The following IL1RAPL1 variants were observed in gnomAD, a reference collection of about 807,000 sequenced individuals.
IL1RAPL1 encodes interleukin 1 receptor accessory protein like 1, also known as interleukin-1 receptor accessory protein-like 1.
A neutral mutation model predicts 48.4 loss-of-function variants in IL1RAPL1; 3 were observed. The ratio of observed to expected loss-of-function variants is 0.06; its 90% confidence interval spans 0.03 to 0.16. The LOEUF (loss-of-function observed/expected upper bound fraction) is 0.16, where lower values mean the gene tolerates loss of function less well. IL1RAPL1 is among the 10% of genes least tolerant of loss of function. The pLI is 1.00. For synonymous variants in IL1RAPL1, 185 were observed against 187.7 expected, an observed-to-expected ratio of 0.99 and a Z score of 0.12; for missense variants, 349 against 530.6, an observed-to-expected ratio of 0.66 and a Z score of 3.36.
At chrX:29,292,174 C>T (rs949715618) in intron 3 of IL1RAPL1, among the ~76,000 whole-genome samples, 2 of 111,766 alleles carry the variant, frequency 1.8e-5, no homozygotes, top group Non-Finnish European at 3.8e-5. Flanking sequence ...CTTAGAATAC[C>T]TTGTGGAAAA....
At chrX:29,417,488 T>C (rs1185755303) in intron 5 of IL1RAPL1, among the ~76,000 whole-genome samples, 1 of 111,762 alleles carries the variant, frequency 8.9e-6, no homozygotes, top group Non-Finnish European at 1.9e-5. Flanking sequence ...CTATGTAAGA[T>C]GTAAAGAAGT....
In IL1RAPL1 at chrX:29,213,081, C is replaced by T. The variant is rs886803422; in HGVS notation, c.83-69857C>T. Reference sequence around the variant, plus strand: ...TGGCACAATCTCGGCTCACCGCAACCTCTGCCTCCCAGGTTCAAATGATTC... The same window carrying T: ...TGGCACAATCTCGGCTCACCGCAACTTCTGCCTCCCAGGTTCAAATGATTC... On this transcript the variant is annotated intron_variant, in intron 2 of 10. Transcript: ENST00000378993. Among the ~76,000 whole-genome samples the T allele has an allele frequency of 8.0e-5, 9 of 111,905 alleles. No homozygotes were observed. In the Admixed American group the frequency reaches 8.5e-4, roughly 11 times the overall value.
At chrX:29,462,522 G>T (rs781018201) in intron 5 of IL1RAPL1, among the ~76,000 whole-genome samples, 1 of 111,264 alleles carries the variant, frequency 9.0e-6, no homozygotes, top group Non-Finnish European at 1.9e-5. Flanking sequence ...TATTCCTCCT[G>T]TTTGTAGAAA....
intron 2 of IL1RAPL1, among the ~76,000 whole-genome samples, chrX:29,224,858 T>G (rs1266280264): frequency 8.9e-6 from 1 of 112,095 alleles, no homozygotes; most frequent in Non-Finnish European, 1.9e-5. Flanking sequence ...AATATTAAAG[T>G]TAAAACTTTT....
chrX:29,262,125 T>TA (rs1931871610), intron 2 of IL1RAPL1, among the ~76,000 whole-genome samples: 1 of 111,773 alleles, frequency 8.9e-6, no homozygotes, highest in African/African-American at 3.3e-5. Context: ...GGCATAATGA[T>TA]AATACCTACC....
chrX:29,714,188 C>T (rs67046843), intron 6 of IL1RAPL1, among the ~76,000 whole-genome samples: 35,535 of 110,651 alleles, frequency 0.32, 4,704 homozygotes, highest in South Asian at 0.48. Flanking sequence ...AATTACTGAA[C>T]ATATCCCCCC....
At chrX:29,039,785 CAA>C (rs35505034) in intron 2 of IL1RAPL1, among the ~76,000 whole-genome samples, 12,699 of 61,826 alleles carry the variant, frequency 0.21, 1,063 homozygotes, top group East Asian at 0.29. Context: ...TAACAATCCT[CAA>C]AAAAAAAAAA....
chrX:29,024,892 A>T (rs941365205), intron 2 of IL1RAPL1, among the ~76,000 whole-genome samples: 5 of 111,698 alleles, frequency 4.5e-5, no homozygotes, highest in Non-Finnish European at 7.5e-5. Flanking sequence ...CCATCACCAC[A>T]ATCTAAATTT....
rs1931693136 is a variant in IL1RAPL1 at position 29,866,207 on chromosome X, A to G, written c.779-51257A>G. Among the ~76,000 whole-genome samples, 3 of 111,280 alleles carry G rather than the reference A, an allele frequency of 2.7e-5. No individual in the cohort carries two copies. In the South Asian group the frequency reaches 1.1e-3, roughly 42 times the overall value. ...ATTCTCCCAAAATGTGACTGATTAA[A>G]TCTTACCTAATACGTCATTCATTCA... On this transcript the variant is annotated intron_variant, in intron 6 of 10. Transcript: ENST00000378993.
chrX:29,088,485 G>A (rs376809994), intron 2 of IL1RAPL1, among the ~76,000 whole-genome samples: 2 of 109,245 alleles, frequency 1.8e-5, no homozygotes, highest in African/African-American at 6.7e-5. Context: ...AGACCAGCCT[G>A]GCCAACATGG....
At chrX:28,877,892 T>G (rs2147312361) in intron 2 of IL1RAPL1, among the ~76,000 whole-genome samples, 1 of 112,546 alleles carries the variant, frequency 8.9e-6, no homozygotes, top group Admixed American at 9.4e-5. Context: ...ATAAAATGCA[T>G]ATTCTATGAA....
At chrX:29,069,318 G>A (rs1056688823) in intron 2 of IL1RAPL1, among the ~76,000 whole-genome samples, 1 of 111,550 alleles carries the variant, frequency 9.0e-6, no homozygotes, top group Admixed American at 9.6e-5. Context: ...AGTTAATTTT[G>A]TATTTTTCTG....
intron 6 of IL1RAPL1, among the ~76,000 whole-genome samples, chrX:29,837,266 AAAAAAAAT>A (rs1201072296): frequency 4.0e-5 from 2 of 50,371 alleles, no homozygotes; most frequent in Non-Finnish European, 7.0e-5. Context: ...CTCAAAAAAA[AAAAAAAAT>A]ATATATATAT....
intron 2 of IL1RAPL1, among the ~76,000 whole-genome samples, chrX:29,260,173 C>T (rs1450262936): frequency 8.9e-6 from 1 of 111,777 alleles, no homozygotes; most frequent in Non-Finnish European, 1.9e-5. Context: ...TTTATTTTAC[C>T]AAATGTTATA....
intron 1 of IL1RAPL1, among the ~76,000 whole-genome samples, chrX:28,674,398 A>G (rs1934977977): frequency 9.0e-6 from 1 of 111,714 alleles, no homozygotes; most frequent in Non-Finnish European, 1.9e-5. Flanking sequence ...TAAATTAAGT[A>G]TCTATTTTGT....
intron 2 of IL1RAPL1, among the ~76,000 whole-genome samples, chrX:29,264,335 G>A (rs1036219529): frequency 9.0e-6 from 1 of 111,332 alleles, no homozygotes; most frequent in Non-Finnish European, 1.9e-5. Context: ...TCTGGAGTGT[G>A]TGTTGACATT....
chrX:29,218,869 A>C (rs1930924550), intron 2 of IL1RAPL1, among the ~76,000 whole-genome samples: 1 of 112,336 alleles, frequency 8.9e-6, no homozygotes, highest in African/African-American at 3.2e-5. Context: ...AAAAGTACAT[A>C]TTTTAGCAAT....
intron 6 of IL1RAPL1, among the ~76,000 whole-genome samples, chrX:29,832,691 G>GT (rs1458613150): frequency 4.0e-5 from 4 of 99,449 alleles, no homozygotes; most frequent in African/African-American, 1.2e-4. Context: ...TGTAAATGCT[G>GT]TTTTTTTGTT....
intron 1 of IL1RAPL1, among the ~76,000 whole-genome samples, chrX:28,604,362 T>C (rs1934060564): frequency 9.0e-6 from 1 of 111,690 alleles, no homozygotes; most frequent in Non-Finnish European, 1.9e-5. Context: ...GTTACTTATG[T>C]TTCAGAGTTT....
Sources: allele counts gnomAD v4.1 joint callset (sites outside exome capture counted in the v4.1 genomes callset), GRCh38; gene constraint gnomAD v4.1.1; transcripts MANE v1.5; gene names NCBI Gene and HGNC (gene_info 2026-07-23, HGNC 2026-07-21).